The following MAGI3 variants were observed in gnomAD, a reference collection of about 807,000 sequenced individuals.
The protein encoded by MAGI3 is membrane-associated guanylate kinase, WW and PDZ domain-containing protein 3.
Under a neutral mutation model 121.8 loss-of-function variants are expected in MAGI3, and 43 were observed. That is an observed-to-expected ratio of 0.35 (90% CI 0.28 to 0.46). The LOEUF (loss-of-function observed/expected upper bound fraction) is 0.46, where lower values mean the gene tolerates loss of function less well. Among genes scored for constraint, MAGI3 ranks in the 20% least tolerant of loss-of-function variants. The pLI is 1.00. For synonymous variants in MAGI3, 553 were observed against 639.3 expected, an observed-to-expected ratio of 0.86 and a Z score of 2.04; for missense variants, 1,547 against 1,797.3, an observed-to-expected ratio of 0.86 and a Z score of 2.52.
chr1:113,569,830 G>T (rs1157451462), intron 2 of MAGI3, among the ~76,000 whole-genome samples: 1 of 151,944 alleles, frequency 6.6e-6, no homozygotes, highest in Non-Finnish European at 1.5e-5. Context: ...TAGATTTGAT[G>T]ATTTACTATA....
At chr1:113,566,773 T>C in intron 2 of MAGI3, among the ~76,000 whole-genome samples, 1 of 151,976 alleles carries the variant, frequency 6.6e-6, no homozygotes, top group East Asian at 1.9e-4. Context: ...TACTAAAACT[T>C]ATGGAATATA....
At chr1:113,666,987 A>T (rs1352387938) in intron 16 of MAGI3, among the ~76,000 whole-genome samples, 1 of 152,222 alleles carries the variant, frequency 6.6e-6, no homozygotes, top group African/African-American at 2.4e-5. Flanking sequence ...AGGTCTCAAC[A>T]GTGGGATTAA....
intron 1 of MAGI3, among the ~76,000 whole-genome samples, chr1:113,488,059 A>C (rs1270224358): frequency 6.6e-6 from 1 of 152,186 alleles, no homozygotes; most frequent in Non-Finnish European, 1.5e-5. Flanking sequence ...TGACAATTTA[A>C]TACACCAAAT....
At chr1:113,491,416 G>A (rs1201678544) in intron 1 of MAGI3, among the ~76,000 whole-genome samples, 1 of 152,134 alleles carries the variant, frequency 6.6e-6, no homozygotes, top group African/African-American at 2.4e-5. Context: ...ATGCCCACAT[G>A]AAAAAGTTGG....
At chr1:113,680,516 A>G (rs1047385772) in intron 19 of MAGI3, among the ~76,000 whole-genome samples, 3 of 151,936 alleles carry the variant, frequency 2.0e-5, no homozygotes, top group Non-Finnish European at 2.9e-5. Flanking sequence ...CCAGCACTTT[A>G]GGAGGCTGAG....
chr1:113,558,576 A>G (rs1247868188), intron 2 of MAGI3, among the ~76,000 whole-genome samples: 1 of 152,122 alleles, frequency 6.6e-6, no homozygotes, highest in Non-Finnish European at 1.5e-5. Flanking sequence ...GACCAAATCT[A>G]CGACTGACTG....
chr1:113,603,416 A>G (rs924382782), intron 6 of MAGI3, among the ~76,000 whole-genome samples: 7 of 152,308 alleles, frequency 4.6e-5, no homozygotes, highest in African/African-American at 1.7e-4. Context: ...GCCAAATTCT[A>G]CCAGACATTC....
chr1:113,563,118 C>T (rs1660306229), intron 2 of MAGI3, among the ~76,000 whole-genome samples: 1 of 152,084 alleles, frequency 6.6e-6, no homozygotes, highest in South Asian at 2.1e-4. Context: ...AAGGATAATA[C>T]ATTATGATCA....
At chr1:113,469,059 C>G (rs1655423870) in intron 1 of MAGI3, among the ~76,000 whole-genome samples, 2 of 152,078 alleles carry the variant, frequency 1.3e-5, no homozygotes. Context: ...AACACACTTG[C>G]ACATACAGGA....
chr1:113,530,199 G>A (rs1658638720), intron 1 of MAGI3, among the ~76,000 whole-genome samples: 1 of 151,526 alleles, frequency 6.6e-6, no homozygotes, highest in Non-Finnish European at 1.5e-5. Flanking sequence ...CAGTTTCTAT[G>A]TACTGTTCTT....
intron 15 of MAGI3, among the ~76,000 whole-genome samples, chr1:113,656,453 G>T (rs1228098828): frequency 6.7e-6 from 1 of 148,954 alleles, no homozygotes. Context: ...TTACTCTGTT[G>T]CCCAGGCTGG....
intron 1 of MAGI3, among the ~76,000 whole-genome samples, chr1:113,486,109 A>G (rs377202010): frequency 1.3e-5 from 2 of 151,864 alleles, no homozygotes; most frequent in East Asian, 3.9e-4. Flanking sequence ...ATGCCTCCAG[A>G]TTTGTTCTTT....
At chr1:113,669,017 T>C (rs558847672) in intron 16 of MAGI3, among the ~76,000 whole-genome samples, 1 of 152,346 alleles carries the variant, frequency 6.6e-6, no homozygotes, top group South Asian at 2.1e-4. Flanking sequence ...TCTGATGTTA[T>C]ACACTCATTA....
intron 1 of MAGI3, among the ~76,000 whole-genome samples, chr1:113,545,124 T>A (rs1221995534): frequency 6.6e-6 from 1 of 151,970 alleles, no homozygotes; most frequent in South Asian, 2.1e-4. Flanking sequence ...GGGTAAATAC[T>A]TGGAGACAAG....
At chr1:113,656,424 T>TC (rs1653472826) in intron 15 of MAGI3, among the ~76,000 whole-genome samples, 1 of 151,826 alleles carries the variant, frequency 6.6e-6, no homozygotes. Flanking sequence ...TTTTTCTTTT[T>TC]TTTTTTTTTG....
At chr1:113,635,427 T>C (rs1254693388) in intron 9 of MAGI3, among the ~76,000 whole-genome samples, 1 of 152,208 alleles carries the variant, frequency 6.6e-6, no homozygotes, top group East Asian at 1.9e-4. Flanking sequence ...TGAGAGTTTT[T>C]AGCATGAAGC....
chr1:113,393,017 T>G (rs566044115), intron 1 of MAGI3, among the ~76,000 whole-genome samples: 3 of 152,202 alleles, frequency 2.0e-5, no homozygotes, highest in Non-Finnish European at 4.4e-5. Context: ...TTTTTAGAAA[T>G]TTTAAAGTTG....
intron 14 of MAGI3, among the ~76,000 whole-genome samples, chr1:113,653,607 T>C (rs984464034): frequency 2.0e-5 from 3 of 152,048 alleles, no homozygotes; most frequent in Non-Finnish European, 1.5e-5. Flanking sequence ...TGAGATTGTA[T>C]GTATTTTTCA....
chr1:113,401,416 G>T (rs1305150275), intron 1 of MAGI3, among the ~76,000 whole-genome samples: 1 of 152,122 alleles, frequency 6.6e-6, no homozygotes, highest in Non-Finnish European at 1.5e-5. Flanking sequence ...CAGCTAAGCT[G>T]CATGATAAAG....
Sources: gnomAD v4.1 joint callset for allele counts (sites outside exome capture counted in the v4.1 genomes callset) on GRCh38, gnomAD v4.1.1 for gene constraint, MANE v1.5 for transcripts, NCBI Gene and HGNC (gene_info 2026-07-23, HGNC 2026-07-21) for gene names.